Variants in NDC1 observed in about 807,000 individuals in gnomAD.
The protein encoded by NDC1 is nucleoporin NDC1.
In NDC1, 24 loss-of-function variants were observed where a neutral mutation model predicts 89.8. The observed-to-expected ratio is 0.27, with a 90% CI of 0.19 to 0.38. The LOEUF (loss-of-function observed/expected upper bound fraction) is 0.38, where lower values mean the gene tolerates loss of function less well. NDC1 is among the 10% of genes least tolerant of loss of function. The pLI is 1.00. For synonymous variants in NDC1, 296 were observed against 284.8 expected, an observed-to-expected ratio of 1.04 and a Z score of -0.39; for missense variants, 728 against 797.6, an observed-to-expected ratio of 0.91 and a Z score of 1.05.
At chr1:53,807,608 C>T (rs553444207) in intron 8 of NDC1, 48 bp downstream of exon 8, 19 of 1,517,814 alleles carry the variant, frequency 1.3e-5, no homozygotes, top group South Asian at 7.6e-5. Context: ...ATCAACTGTG[C>T]ACTCCAAAAC....
At position 53,772,432 on chromosome 1, in the gene NDC1, C is replaced by T. The variant is rs752576015; in HGVS notation, c.1858G>A (p.Gly620Arg). The change falls in exon 17 of 18, where the codon GGA becomes AGA. Residue 620 changes from glycine (G) to arginine (R), a missense_variant. Gly to Arg is a moderately radical substitution (Grantham distance 125). Coordinates refer to ENST00000371429, the MANE Select transcript of NDC1 (RefSeq NM_018087.5). ...HASSKPPRISGSLVDTSYKTL... is the reference protein window; with the variant it reads ...HASSKPPRISRSLVDTSYKTL... ...TTATATGAAGTGTCCACAAGGCTTC[C>T]TGAAATCCGGGGTGGTTTACTGGAA... 3 of 1,613,694 alleles carry T rather than the reference C, an allele frequency of 1.9e-6. No individual in the cohort carries two copies. The highest frequency in any genetic ancestry group is 2.5e-6 in the Non-Finnish European group (3 of 1,179,742).
At chr1:53,820,652 T>A (rs1173299153) in intron 5 of NDC1, among the ~76,000 whole-genome samples, 1 of 150,886 alleles carries the variant, frequency 6.6e-6, no homozygotes, top group African/African-American at 2.4e-5. Flanking sequence ...GATAAATGAT[T>A]AGAAGGAATC....
At chr1:53,779,548 G>A (rs1041405697) in intron 16 of NDC1, among the ~76,000 whole-genome samples, 16 of 152,062 alleles carry the variant, frequency 1.1e-4, no homozygotes, top group African/African-American at 2.9e-4. Flanking sequence ...CCATTCTATC[G>A]TGAAAAAGGA....
chr1:53,813,579 T>A (rs1001652650), intron 6 of NDC1, among the ~76,000 whole-genome samples: 7 of 152,194 alleles, frequency 4.6e-5, no homozygotes, highest in African/African-American at 1.7e-4. Context: ...CAGGAAAATA[T>A]CACAATCCTA....
intron 14 of NDC1, among the ~76,000 whole-genome samples, chr1:53,792,010 T>C (rs1236665355): frequency 2.6e-5 from 4 of 151,398 alleles, no homozygotes; most frequent in Non-Finnish European, 5.9e-5. Flanking sequence ...TGGCTCTATC[T>C]CGGCTCACTG....
chr1:53,804,780 C>T (rs1228200563), intron 9 of NDC1, among the ~76,000 whole-genome samples: 1 of 131,312 alleles, frequency 7.6e-6, no homozygotes, highest in African/African-American at 2.5e-5. Flanking sequence ...CCCGGCCACC[C>T]TATTTTTTTT....
chr1:53,817,307 T>G (rs1648515600), intron 6 of NDC1, among the ~76,000 whole-genome samples: 1 of 152,126 alleles, frequency 6.6e-6, no homozygotes, highest in Admixed American at 6.6e-5. Context: ...ACTATGCACA[T>G]AAAAAGGAAT....
intron 6 of NDC1, among the ~76,000 whole-genome samples, chr1:53,812,303 T>C (rs954778941): frequency 6.6e-6 from 1 of 152,196 alleles, no homozygotes; most frequent in African/African-American, 2.4e-5. Flanking sequence ...GGTTAGTTAT[T>C]AGGCTAATCA....
chr1:53,794,435 T>C (rs1220224761), intron 13 of NDC1, among the ~76,000 whole-genome samples: 3 of 152,078 alleles, frequency 2.0e-5, no homozygotes, highest in African/African-American at 7.2e-5. Context: ...ACGTGTCTGG[T>C]TGGGTAGAAA....
intron 16 of NDC1, among the ~76,000 whole-genome samples, chr1:53,781,187 T>C (rs34605269): frequency 0.029 from 4,389 of 152,268 alleles, 96 homozygotes; most frequent in Middle Eastern, 0.044. Context: ...TATATCATTT[T>C]GGTTCCTAAC....
chr1:53,790,233 C>T (rs1403393175), intron 14 of NDC1, among the ~76,000 whole-genome samples: 2 of 151,748 alleles, frequency 1.3e-5, no homozygotes, highest in African/African-American at 2.4e-5. Flanking sequence ...GGCATGGTGG[C>T]ACGTGCCTGT....
intron 6 of NDC1, among the ~76,000 whole-genome samples, chr1:53,812,960 C>T (rs1648361769): frequency 6.6e-6 from 1 of 152,198 alleles, no homozygotes; most frequent in Non-Finnish European, 1.5e-5. Flanking sequence ...CTTCAGCCTC[C>T]TCCAACAAAA....
At chr1:53,793,938 A>T (rs907741790) in intron 13 of NDC1, among the ~76,000 whole-genome samples, 1 of 151,604 alleles carries the variant, frequency 6.6e-6, no homozygotes, top group Admixed American at 6.6e-5. Flanking sequence ...TAACCTTTTA[A>T]TACCCAAAAA....
Position 53,825,855 on chromosome 1 carries a change from G to A in NDC1, c.537C>T (p.Ser179=). ...TGTTAACAAAATACAGGAGGCTATA[G>A]CTATAGCCCATAAATGCTCCAGTCA... ...FLLTGAFMGY[S]YSLLYFVNNM... is the part of the protein sequence containing the mutation. The change falls in exon 5 of 18, where the codon AGC becomes AGT. Residue 179 remains serine (S), a synonymous_variant. Transcript: ENST00000371429. 1 of 1,611,642 alleles carries A rather than the reference G, an allele frequency of 6.2e-7. No homozygotes were observed. Among genetic ancestry groups the A allele is most frequent in the Non-Finnish European group, 8.5e-7 (1 of 1,179,086 alleles).
At chr1:53,810,272 T>C (rs563323300) in intron 6 of NDC1, among the ~76,000 whole-genome samples, 10 of 152,242 alleles carry the variant, frequency 6.6e-5, no homozygotes, top group African/African-American at 2.4e-4. Flanking sequence ...AACAGGAAAG[T>C]AGTGCTTGCT....
At chr1:53,797,915 C>T (rs1248474692) in intron 11 of NDC1, among the ~76,000 whole-genome samples, 3 of 152,088 alleles carry the variant, frequency 2.0e-5, no homozygotes, top group Non-Finnish European at 4.4e-5. Flanking sequence ...GCATGAGCCA[C>T]CACACCTGGC....
chr1:53,778,547 G>A (rs1647180401), intron 16 of NDC1, among the ~76,000 whole-genome samples: 1 of 151,854 alleles, frequency 6.6e-6, no homozygotes, highest in African/African-American at 2.4e-5. Context: ...GAGCCTGGGA[G>A]TTGGAGACTA....
rs975838177 is a variant in NDC1 at position 53,778,245 on chromosome 1, ATG to A, written c.1801-5758_1801-5757del. 3.7e-5 allele frequency among the ~76,000 whole-genome samples: 5 copies of A among 136,588 alleles called. No individual in the cohort carries two copies. The East Asian group carries it at 8.4e-4, about 23-fold the overall frequency. 89.6% of individuals were successfully genotyped at this position (136,588 alleles called of 152,430 possible). A position where few individuals can be genotyped will look rare whatever the true frequency, so the allele number is the denominator to read the frequency against. On this transcript the variant is annotated intron_variant, in intron 16 of 17. Transcript: ENST00000371429. ...CAAAAGGAATGTAATATAGTATATG[ATG>A]TGTGTGTGTATATACACACACACAC...
In NDC1 at chr1:53,809,738, G is replaced by T; in HGVS notation, c.712C>A (p.Pro238Thr). 1 of 1,612,198 alleles carries T rather than the reference G, an allele frequency of 6.2e-7. No homozygotes were observed. The highest frequency in any genetic ancestry group is 1.1e-5 in the South Asian group (1 of 90,942). ...CILYYFLGYI[P>T]KAWISTAMNL... ...ATAGCAGTGCTAATCCAAGCTTTGG[G>T]AATATAGCCTGAAGGGAAAAAATAC... Residue 238 changes from proline to threonine, a missense_variant, in exon 7 of 18, where the codon CCC (proline) becomes ACC (threonine). Physicochemically the swap from Pro to Thr is conservative, Grantham distance 38. Transcript: ENST00000371429.
Sources: gnomAD v4.1 joint callset for allele counts (sites outside exome capture counted in the v4.1 genomes callset) on GRCh38, gnomAD v4.1.1 for gene constraint, MANE v1.5 for transcripts, NCBI Gene and HGNC (gene_info 2026-07-23, HGNC 2026-07-21) for gene names.